GARIN1A: variants seen among roughly 807,000 people sequenced by gnomAD.
GARIN1A encodes golgi associated RAB2 interactor 1A, also known as Golgi-associated RAB2 interactor protein 1A.
At chr7:128,687,457 G>C in the GARIN1A span, 1 of 152,370 alleles carries the variant, frequency 6.6e-6, no homozygotes, top group Non-Finnish European at 1.5e-5. Context: ...AATTCAGATA[G>C]GGGTAGTGAA....
the GARIN1A span, among the ~76,000 whole-genome samples, chr7:128,675,127 T>A: frequency 6.6e-6 from 1 of 152,126 alleles, no homozygotes; most frequent in Non-Finnish European, 1.5e-5. Context: ...GCATCCAGTC[T>A]TTCTGTCCTG....
the GARIN1A span, chr7:128,675,569 G>T: frequency 8.6e-6 from 10 of 1,165,702 alleles, no homozygotes; most frequent in Admixed American, 5.7e-5. Flanking sequence ...GCCCAGCCCA[G>T]TGTGTGCACA....
At chr7:128,678,740 C>T in the GARIN1A span, among the ~76,000 whole-genome samples, 3 of 147,538 alleles carry the variant, frequency 2.0e-5, no homozygotes, top group African/African-American at 7.6e-5. Context: ...GCAAAGGTTG[C>T]AGTGAGCTGA....
the GARIN1A span, among the ~76,000 whole-genome samples, chr7:128,673,286 T>G: frequency 4.6e-5 from 7 of 152,192 alleles, no homozygotes; most frequent in African/African-American, 1.7e-4. Flanking sequence ...ATTTGGTAAC[T>G]GTCTAAGCAA....
the GARIN1A span, among the ~76,000 whole-genome samples, chr7:128,674,318 TCTCA>T: frequency 2.0e-5 from 3 of 152,154 alleles, no homozygotes; most frequent in Non-Finnish European, 2.9e-5. Flanking sequence ...AGAGACAGGG[TCTCA>T]CTATGTTGCC....
the GARIN1A span, among the ~76,000 whole-genome samples, chr7:128,707,208 T>TTG: frequency 1.1e-5 from 1 of 94,692 alleles, no homozygotes; most frequent in African/African-American, 4.2e-5. Flanking sequence ...ATTATTATTA[T>TTG]TGTGTGTATG....
the GARIN1A span, chr7:128,672,347 G>T: frequency 6.6e-7 from 1 of 1,512,268 alleles, no homozygotes; most frequent in Non-Finnish European, 9.0e-7. Context: ...ATTGGGCTGG[G>T]TCGGCGTGGA....
chr7:128,677,666 C>A, the GARIN1A span: 5 of 1,613,786 alleles, frequency 3.1e-6, no homozygotes, highest in Non-Finnish European at 4.2e-6. Context: ...TGAAGCTCCA[C>A]GAAAAACACC....
At chr7:128,689,395 G>A in the GARIN1A span, among the ~76,000 whole-genome samples, 46 of 151,762 alleles carry the variant, frequency 3.0e-4, no homozygotes. Context: ...GAGATGTGGG[G>A]AGCGCCTCTG....
chr7:128,689,942 C>T, the GARIN1A span, among the ~76,000 whole-genome samples: 4 of 151,930 alleles, frequency 2.6e-5, no homozygotes, highest in Non-Finnish European at 4.4e-5. Context: ...GCCATGATGA[C>T]GATGGCGGTT....
the GARIN1A span, among the ~76,000 whole-genome samples, chr7:128,673,000 C>G: frequency 1.3e-5 from 2 of 152,174 alleles, no homozygotes. Context: ...CTACCATTCC[C>G]TAAAAGGATG....
the GARIN1A span, among the ~76,000 whole-genome samples, chr7:128,671,787 C>T: frequency 6.6e-6 from 1 of 152,024 alleles, no homozygotes; most frequent in Non-Finnish European, 1.5e-5. Context: ...CTCCTTTGCC[C>T]ACTGTTTCCA....
At chr7:128,687,627 A>G in the GARIN1A span, 3 of 152,356 alleles carry the variant, frequency 2.0e-5, no homozygotes, top group East Asian at 5.8e-4. Context: ...GTACTCCACC[A>G]TGGGCCTTGA....
At chr7:128,677,808 A>G in the GARIN1A span, 2 of 1,613,286 alleles carry the variant, frequency 1.2e-6, no homozygotes, top group Non-Finnish European at 1.7e-6. Context: ...CTCCACAGAA[A>G]CAACAGTAAG....
At chr7:128,680,147 C>T in the GARIN1A span, 1 of 1,543,402 alleles carries the variant, frequency 6.5e-7, no homozygotes, top group Non-Finnish European at 8.8e-7. Flanking sequence ...TCACAGCAGA[C>T]AGGTGGGTCC....
At chr7:128,683,799 T>G in the GARIN1A span, 1 of 152,066 alleles carries the variant, frequency 6.6e-6, no homozygotes, top group African/African-American at 2.4e-5. Flanking sequence ...AGAAAAGAGG[T>G]TTAATTGGCT....
chr7:128,698,866 C>T, the GARIN1A span, among the ~76,000 whole-genome samples: 3 of 152,190 alleles, frequency 2.0e-5, no homozygotes, highest in Non-Finnish European at 2.9e-5. Flanking sequence ...GGATTACAGG[C>T]GTGAGCCACC....
At chr7:128,686,321 G>A in the GARIN1A span, 1 of 152,132 alleles carries the variant, frequency 6.6e-6, no homozygotes, top group Non-Finnish European at 1.5e-5. Context: ...TAAGCACTAT[G>A]CTGACTTTAC....
chr7:128,686,691 C>A, the GARIN1A span: 1 of 152,282 alleles, frequency 6.6e-6, no homozygotes, highest in Non-Finnish European at 1.5e-5. Flanking sequence ...GCCTGGCCAA[C>A]ATGGTGAAAC....
Sources: gnomAD v4.1 joint callset for allele counts (sites outside exome capture counted in the v4.1 genomes callset) on GRCh38, gnomAD v4.1.1 for gene constraint, MANE v1.5 for transcripts, NCBI Gene and HGNC (gene_info 2026-07-23, HGNC 2026-07-21) for gene names.